The following DMD variants were observed in gnomAD, a reference collection of about 807,000 sequenced individuals.
The protein encoded by DMD is dystrophin.
A neutral mutation model predicts 330.1 loss-of-function variants in DMD; 63 were observed. The observed-to-expected ratio is 0.19, with a 90% CI of 0.16 to 0.24. The LOEUF (loss-of-function observed/expected upper bound fraction) is 0.24. Ranked by LOEUF, DMD falls within the 10% of genes least tolerant of loss-of-function variation. The pLI is 1.00. For synonymous variants in DMD, 1,223 were observed against 959.8 expected (o/e 1.27, Z -5.07); for missense variants, 3,344 against 2,684.1 (o/e 1.25, Z -5.43).
chrX:32,687,686 A>C (rs1287176517), intron 9 of DMD, among the ~76,000 whole-genome samples: 1 of 111,850 alleles, frequency 8.9e-6, no homozygotes, highest in Admixed American at 9.6e-5. Context: ...TTCATCTACT[A>C]TTTTATTACA....
At chrX:32,178,979 T>C (rs896787382) in intron 44 of DMD, among the ~76,000 whole-genome samples, 1 of 103,335 alleles carries the variant, frequency 9.7e-6, no homozygotes, top group Admixed American at 1.1e-4. Flanking sequence ...TCTCTCTCTC[T>C]CTCCCTCTCC....
intron 62 of DMD, among the ~76,000 whole-genome samples, chrX:31,313,729 T>C (rs371439503): frequency 3.6e-5 from 4 of 110,533 alleles, no homozygotes; most frequent in Admixed American, 1.9e-4. Context: ...ATCATGATGA[T>C]TTTAAGTATC....
intron 1 of DMD, among the ~76,000 whole-genome samples, chrX:33,136,579 G>C (rs1219595469): frequency 9.1e-6 from 1 of 109,876 alleles, no homozygotes; most frequent in Non-Finnish European, 1.9e-5. Flanking sequence ...TTAAGAAGGT[G>C]ATTAGGTCAT....
intron 44 of DMD, among the ~76,000 whole-genome samples, chrX:32,049,810 G>A (rs2096093604): frequency 9.0e-6 from 1 of 111,726 alleles, no homozygotes; most frequent in Non-Finnish European, 1.9e-5. Flanking sequence ...TTCTGCACTT[G>A]AAGGGCACTT....
At chrX:31,235,352 A>G (rs765891926) in intron 63 of DMD, among the ~76,000 whole-genome samples, 1 of 112,573 alleles carries the variant, frequency 8.9e-6, no homozygotes, top group Non-Finnish European at 1.9e-5. Flanking sequence ...ATGAAACAGT[A>G]ATTTCTAAGC....
chrX:32,866,734 T>TG (rs757998939), intron 2 of DMD, among the ~76,000 whole-genome samples: 3 of 6,110 alleles, frequency 4.9e-4, no homozygotes, highest in African/African-American at 2.4e-3. Context: ...TGGGGGGGGG[T>TG]GGGGGGGTGG....
At chrX:31,287,352 CCTT>C (rs1223328691) in intron 62 of DMD, among the ~76,000 whole-genome samples, 1 of 112,182 alleles carries the variant, frequency 8.9e-6, no homozygotes, top group Non-Finnish European at 1.9e-5. Context: ...AACAGAGAAT[CCTT>C]CTACTCCCAC....
chrX:32,903,715 T>A (rs765843239), intron 2 of DMD, among the ~76,000 whole-genome samples: 1 of 111,815 alleles, frequency 8.9e-6, no homozygotes, highest in Non-Finnish European at 1.9e-5. Flanking sequence ...TAGACTGATT[T>A]TGGAATAGAC....
chrX:32,650,562 G>A (rs2060082820), intron 9 of DMD, among the ~76,000 whole-genome samples: 3 of 111,781 alleles, frequency 2.7e-5, no homozygotes, highest in Admixed American at 1.9e-4. Context: ...ACACATTTCC[G>A]CTGTGTTTTC....
chrX:31,296,356 G>C (rs1286520713), intron 62 of DMD, among the ~76,000 whole-genome samples: 1 of 111,798 alleles, frequency 8.9e-6, no homozygotes, highest in Non-Finnish European at 1.9e-5. Flanking sequence ...AAAAACTATT[G>C]AAAGTATCAT....
At chrX:32,013,410 TGCAAATCGTACTTC>T (rs2150420091) in intron 44 of DMD, among the ~76,000 whole-genome samples, 1 of 111,751 alleles carries the variant, frequency 8.9e-6, no homozygotes, top group South Asian at 3.7e-4. Flanking sequence ...TTATAATAAA[TGCAAATCGTACTTC>T]AACTGTGCAT....
At chrX:32,617,680 AG>A (rs2057690192) in intron 11 of DMD, among the ~76,000 whole-genome samples, 1 of 111,852 alleles carries the variant, frequency 8.9e-6, no homozygotes, top group African/African-American at 3.2e-5. Context: ...TGACTGTAAA[AG>A]CACAAGCAAC....
At chrX:32,330,224 C>A (rs7063029) in intron 41 of DMD, among the ~76,000 whole-genome samples, 3,724 of 111,896 alleles carry the variant, frequency 0.033, 157 homozygotes, top group African/African-American at 0.12. Flanking sequence ...AAATTTTAAA[C>A]AAACCTTAAT....
At chrX:32,213,981 A>G (rs907114164) in intron 44 of DMD, among the ~76,000 whole-genome samples, 1 of 110,973 alleles carries the variant, frequency 9.0e-6, no homozygotes, top group African/African-American at 3.3e-5. Context: ...AAAAAAAAAA[A>G]GTATCCAATT....
intron 47 of DMD, among the ~76,000 whole-genome samples, chrX:31,917,686 A>G (rs1186832638): frequency 8.9e-6 from 1 of 112,542 alleles, no homozygotes; most frequent in African/African-American, 3.2e-5. Flanking sequence ...TGAATACTAT[A>G]TGAATTTTTA....
At chrX:31,934,258 G>A (rs1454055107) in intron 45 of DMD, among the ~76,000 whole-genome samples, 2 of 111,275 alleles carry the variant, frequency 1.8e-5, no homozygotes, top group Non-Finnish European at 3.8e-5. Flanking sequence ...CAAAGACAGG[G>A]CCTTGAGAGA....
intron 1 of DMD, chrX:33,041,813 A>T (rs997064787): frequency 2.4e-6 from 2 of 825,135 alleles, no homozygotes; most frequent in South Asian, 2.3e-5. Flanking sequence ...TTCAAGTAGT[A>T]TGAGAATGTG....
chrX:32,648,843 AT>A (rs201556240), intron 9 of DMD, among the ~76,000 whole-genome samples: 1,151 of 111,964 alleles, frequency 0.01, 13 homozygotes, highest in African/African-American at 0.036. Flanking sequence ...TGTACCTAAG[AT>A]TGGAGATCAC....
intron 41 of DMD, among the ~76,000 whole-genome samples, chrX:32,318,495 TTGAATAATCAATCTAA>T (rs2097593106): frequency 9.0e-6 from 1 of 111,448 alleles, no homozygotes; most frequent in African/African-American, 3.3e-5. Context: ...TAGAAAGATG[TTGAATAATCAATCTAA>T]TGAGTCTAAG....
Sources: gnomAD v4.1 joint callset for allele counts (sites outside exome capture counted in the v4.1 genomes callset) on GRCh38, gnomAD v4.1.1 for gene constraint, MANE v1.5 for transcripts, NCBI Gene and HGNC (gene_info 2026-07-23, HGNC 2026-07-21) for gene names.